The following PLAGL1 variants were observed in gnomAD, a reference collection of about 807,000 sequenced individuals.
PLAGL1 encodes zinc finger protein PLAGL1.
Under a neutral mutation model 4.6 loss-of-function variants are expected in PLAGL1, and 1 was observed. The observed-to-expected ratio is 0.22, with a 90% CI of 0.08 to 1.03. The LOEUF is 1.03. PLAGL1 is among the 50% of genes least tolerant of loss of function. PLAGL1 has a pLI of 0.58. For missense variants in PLAGL1, 464 were observed against 570.4 expected, an observed-to-expected ratio of 0.81 and a Z score of 1.90; for synonymous variants, 240 against 237.8, an observed-to-expected ratio of 1.01 and a Z score of -0.08.
At position 144,027,223 on chromosome 6, in the gene PLAGL1, C is replaced by CAAAG. The variant is rs1194756749; in HGVS notation, c.-151+37241_-151+37244dup. Among the ~76,000 whole-genome samples, 4 of 96,702 alleles carry CAAAG rather than the reference C, an allele frequency of 4.1e-5. No homozygotes were observed. Among genetic ancestry groups the CAAAG allele is most frequent in the African/African-American group, 2.4e-4 (4 of 16,586 alleles). 63.4% of individuals were successfully genotyped at this position (96,702 alleles called of 152,430 possible). A position where few individuals can be genotyped will look rare whatever the true frequency, so the allele number is the denominator to read the frequency against. On this transcript the variant is annotated intron_variant, in intron 1 of 3. Coordinates refer to the PLAGL1 transcript ENST00000437412. The surrounding 1 kb of genome is among the most constrained non-coding windows in gnomAD (Gnocchi z 5.8). ...TGGGTGACAGAGAAAGACCCCAACT[C>CAAAG]AAAGAACGAACGAAAGAAAGAAAGA...
rs968698884 is a variant in PLAGL1, at chr6:143,949,049, C to T, written c.-324-589G>A. Among the ~76,000 whole-genome samples the T allele has an allele frequency of 1.9e-4, 29 of 152,234 alleles. No homozygotes were observed. Among genetic ancestry groups the T allele is most frequent in the African/African-American group, 6.5e-4 (27 of 41,468 alleles). ...ATGAAGCTAGTCTAGTCTAGTTGCACTGATGTGGTGGCACAAAGCTGATAG... is the reference window on the plus strand; with the variant it reads ...ATGAAGCTAGTCTAGTCTAGTTGCATTGATGTGGTGGCACAAAGCTGATAG... On this transcript the variant is annotated intron_variant, in intron 6 of 7. Transcript: ENST00000674357. This position sits in a 1 kb window ranked among gnomAD's most constrained non-coding sequence, Gnocchi z 5.3.
intron 1 of PLAGL1, among the ~76,000 whole-genome samples, chr6:144,035,424 G>A (rs918832990): frequency 6.6e-6 from 1 of 152,230 alleles, no homozygotes; most frequent in African/African-American, 2.4e-5. Flanking sequence ...TAGCACGGGA[G>A]AAAGATGAAG....
rs987040121 is a variant in PLAGL1 at position 144,036,061 on chromosome 6, C to G, written c.-151+28407G>C. Among the ~76,000 whole-genome samples the G allele has an allele frequency of 6.6e-6, 1 of 152,092 alleles. No homozygotes were observed. Among genetic ancestry groups the G allele is most frequent in the East Asian group, 1.9e-4 (1 of 5,184 alleles). On this transcript the variant is annotated intron_variant, in intron 1 of 3. Transcript: ENST00000437412. This position sits in a 1 kb window ranked among gnomAD's most constrained non-coding sequence, Gnocchi z 5.1. ...GCCTGGAAACCCTCAATGCAGGACT[C>G]CAACCCCAAGAAAGTGCTTCAAGGA...
intron 2 of PLAGL1, among the ~76,000 whole-genome samples, chr6:143,977,884 T>C (rs1787072758): frequency 6.6e-6 from 1 of 152,208 alleles, no homozygotes; most frequent in African/African-American, 2.4e-5. Flanking sequence ...CATCTGGGTC[T>C]GCTGTCTAGA....
chr6:144,027,292 A>AAAAAGT lies in PLAGL1; in HGVS notation c.-151+37175_-151+37176insACTTTT, dbSNP rs1554277776. Among the ~76,000 whole-genome samples, 1,824 of 142,096 alleles carry AAAAAGT rather than the reference A, an allele frequency of 0.013. 15 individuals are homozygous for AAAAAGT. The highest frequency in any genetic ancestry group is 0.025 in the Middle Eastern group (7 of 278). 93.2% of individuals were successfully genotyped at this position (142,096 alleles called of 152,430 possible). ...GAAAGAAAGAAAGAAAGAAAGAAAGAAAGTTATTTGATCTGAAGTACAATG... is the reference window on the plus strand; with the variant it reads ...GAAAGAAAGAAAGAAAGAAAGAAAGAAAAAGTAAGTTATTTGATCTGAAGTACAATG... On this transcript the variant is annotated intron_variant, in intron 1 of 3. Coordinates refer to the PLAGL1 transcript ENST00000437412. The surrounding 1 kb of genome is among the most constrained non-coding windows in gnomAD (Gnocchi z 5.8).
At chr6:144,035,496 T>G (rs901303501) in intron 1 of PLAGL1, among the ~76,000 whole-genome samples, 9 of 152,242 alleles carry the variant, frequency 5.9e-5, no homozygotes, top group African/African-American at 2.2e-4. Context: ...CTAGCCGTGC[T>G]GGCAGCTGAT....
At chr6:144,046,739 C>T (rs1033346811) in intron 1 of PLAGL1, among the ~76,000 whole-genome samples, 47 of 152,212 alleles carry the variant, frequency 3.1e-4, no homozygotes, top group Non-Finnish European at 4.7e-4. Context: ...CAGACAGGGA[C>T]GTTTAAGTCT....
intron 1 of PLAGL1, among the ~76,000 whole-genome samples, chr6:143,991,239 T>C (rs899128161): frequency 3.3e-5 from 5 of 152,220 alleles, no homozygotes; most frequent in African/African-American, 7.2e-5. Context: ...TAATTTACCA[T>C]ACATCTAAAT....
At chr6:144,058,713 C>A (rs1025199271) in intron 1 of PLAGL1, among the ~76,000 whole-genome samples, 12 of 152,132 alleles carry the variant, frequency 7.9e-5, no homozygotes, top group African/African-American at 2.9e-4. Context: ...AAGTCTGAAA[C>A]CCAGCAGGGC....
At chr6:143,956,943 C>G (rs770193996) in intron 6 of PLAGL1, among the ~76,000 whole-genome samples, 14 of 152,244 alleles carry the variant, frequency 9.2e-5, no homozygotes, top group Non-Finnish European at 1.8e-4. Flanking sequence ...CCACCACTGG[C>G]CTTCCTCATC....
rs1788913580 is a variant in PLAGL1, at chr6:143,985,889, ATAT to A, written c.-583-718_-583-716del. Among the ~76,000 whole-genome samples the A allele has an allele frequency of 2.2e-5, 3 of 137,336 alleles. No individual in the cohort carries two copies. Among genetic ancestry groups the A allele is most frequent in the Admixed American group, 1.5e-4 (2 of 13,790 alleles). The allele number at this position is 137,336 out of a possible 152,430, so 90.1% of individuals were successfully genotyped here. A position where few individuals can be genotyped will look rare whatever the true frequency, so the allele number is the denominator to read the frequency against. ...TACCATCGGCCAAGCTACATATTAT[ATAT>A]TATTATGTGTGTGTGTGTGTGTGTG... is the stretch of plus-strand genomic sequence containing the variant. On this transcript the variant is annotated intron_variant, in intron 1 of 7. Coordinates refer to ENST00000674357, the MANE Select transcript of PLAGL1 (RefSeq NM_001317162.2). The surrounding 1 kb of genome is among the most constrained non-coding windows in gnomAD (Gnocchi z 4.4).
Position 143,940,536 on chromosome 6 carries a change from T to G in PLAGL1, c.*888A>C, listed in dbSNP as rs1778356756. Reference sequence around the variant, plus strand: ...ATTTATTGGTGATTACAAACAATACTTAAGAACTTAAGCAGCTTGAGTAGT... The same window carrying G: ...ATTTATTGGTGATTACAAACAATACGTAAGAACTTAAGCAGCTTGAGTAGT... On this transcript the variant is annotated 3_prime_UTR_variant, in exon 8 of 8. Coordinates refer to ENST00000674357, the MANE Select transcript of PLAGL1 (RefSeq NM_001317162.2). The G allele has an allele frequency of 6.6e-6, 1 of 152,362 alleles. No individual in the cohort carries two copies. The highest frequency in any genetic ancestry group is 1.5e-5 in the Non-Finnish European group (1 of 68,022). 9.4% of individuals were successfully genotyped at this position (152,362 alleles called of 1,614,324 possible).
rs1344823602 is a variant in PLAGL1 at position 143,953,570 on chromosome 6, T to C, written c.-324-5110A>G. Among the ~76,000 whole-genome samples the C allele has an allele frequency of 6.6e-6, 1 of 152,230 alleles. No homozygotes were observed. Among genetic ancestry groups the C allele is most frequent in the Non-Finnish European group, 1.5e-5 (1 of 68,046 alleles). ...TGTTCTGTTTACAAATAGTGTAATA[T>C]TTGGTTAAAGATGGCCAACTGAATA... On this transcript the variant is annotated intron_variant, in intron 6 of 7. Transcript: ENST00000674357. The surrounding 1 kb of genome is among the most constrained non-coding windows in gnomAD (Gnocchi z 5.3).
At chr6:143,944,909 T>C (rs1160745723) in intron 7 of PLAGL1, among the ~76,000 whole-genome samples, 1 of 152,014 alleles carries the variant, frequency 6.6e-6, no homozygotes, top group East Asian at 1.9e-4. Context: ...TTATCACCCA[T>C]GGGTAGATCA....
At position 143,985,982 on chromosome 6, in the gene PLAGL1, TTATATA is replaced by T. The variant is rs55768066; in HGVS notation, c.-583-814_-583-809del. Among the ~76,000 whole-genome samples, 1,430 of 111,570 alleles carry T rather than the reference TTATATA, an allele frequency of 0.013. 39 individuals carry two copies. The highest frequency in any genetic ancestry group is 0.035 in the African/African-American group (1,011 of 28,904). 73.2% of individuals were successfully genotyped at this position (111,570 alleles called of 152,430 possible). On this transcript the variant is annotated intron_variant, in intron 1 of 7. Coordinates refer to ENST00000674357, the MANE Select transcript of PLAGL1 (RefSeq NM_001317162.2). This position sits in a 1 kb window ranked among gnomAD's most constrained non-coding sequence, Gnocchi z 4.4. Reference sequence around the variant, plus strand: ...TATATCAAATTATATATATATAAAATTATATATATATATATATATATATATATATCA... The same window carrying T: ...TATATCAAATTATATATATATAAAATTATATATATATATATATATATATCA...
rs1322320886 is a variant in PLAGL1, at chr6:143,940,335, T to C, written c.*1089A>G. On this transcript the variant is annotated 3_prime_UTR_variant, in exon 8 of 8. Coordinates refer to ENST00000674357, the MANE Select transcript of PLAGL1 (RefSeq NM_001317162.2). ...TGAAAAGTTTATTATATGTAAGATATATGTTTACGGAAAAGCCTCTAAAAA... is the reference window on the plus strand; with the variant it reads ...TGAAAAGTTTATTATATGTAAGATACATGTTTACGGAAAAGCCTCTAAAAA... 3 of 152,186 alleles carry C rather than the reference T, an allele frequency of 2.0e-5. No individual in the cohort carries two copies. The highest frequency in any genetic ancestry group is 6.5e-5 in the Admixed American group (1 of 15,272). 9.4% of individuals were successfully genotyped at this position (152,186 alleles called of 1,614,324 possible).
In PLAGL1 at chr6:143,997,031, AAGAC is replaced by A. The variant is rs1791772409; in HGVS notation, c.-584+11055_-584+11058del. On this transcript the variant is annotated intron_variant, in intron 1 of 7. Transcript: ENST00000674357. The surrounding 1 kb of genome is among the most constrained non-coding windows in gnomAD (Gnocchi z 4.6). The stretch of plus-strand genomic sequence containing the variant: ...AAACTGGATTTCATTAAGACACCAA[AAGAC>A]AGCATTAAAAGATACATAGAAAAGT... 6.6e-6 allele frequency among the ~76,000 whole-genome samples: 1 copy of A among 152,208 alleles called. No individual in the cohort carries two copies. The highest frequency in any genetic ancestry group is 1.5e-5 in the Non-Finnish European group (1 of 68,042).
chr6:143,956,537 TAAAC>T (rs889137482), intron 6 of PLAGL1, among the ~76,000 whole-genome samples: 62 of 152,290 alleles, frequency 4.1e-4, no homozygotes, highest in South Asian at 4.1e-4. Context: ...AAGATCCTAA[TAAAC>T]AAACAAACAA....
rs532097396 is a variant in PLAGL1, at chr6:143,979,099, A to G, written c.-544+6036T>C. ...TTTGTCTAATATGAATACAGTCACC[A>G]CAGTTTTAAAAAATCAGTGCTAAAA... is the stretch of plus-strand genomic sequence containing the variant. On this transcript the variant is annotated intron_variant, in intron 2 of 7. Transcript: ENST00000674357. This position sits in a 1 kb window ranked among gnomAD's most constrained non-coding sequence, Gnocchi z 4.6. Among the ~76,000 whole-genome samples, 7 of 152,300 alleles carry G rather than the reference A, an allele frequency of 4.6e-5. No individual in the cohort carries two copies. The South Asian group carries it at 1.5e-3, about 32-fold the overall frequency.
Sources: allele counts gnomAD v4.1 joint callset (sites outside exome capture counted in the v4.1 genomes callset), GRCh38; gene constraint gnomAD v4.1.1; non-coding constraint Gnocchi (gnomAD v3.1); transcripts MANE v1.5; gene names NCBI Gene and HGNC (gene_info 2026-07-23, HGNC 2026-07-21).